The following ATP13A2 variants were observed in gnomAD, a reference collection of about 807,000 sequenced individuals.
ATP13A2 encodes ATPase cation transporting 13A2.
A neutral mutation model predicts 138.3 loss-of-function variants in ATP13A2; 83 were observed. The ratio of observed to expected loss-of-function variants is 0.60; its 90% CI spans 0.50 to 0.72. The LOEUF (loss-of-function observed/expected upper bound fraction) is 0.72. ATP13A2 is among the 30% of genes least tolerant of loss of function. ATP13A2 has a pLI of 0.00. For synonymous variants in ATP13A2, 663 were observed against 699.0 expected (o/e 0.95, Z 0.81); for missense variants, 1,402 against 1,606.4 (o/e 0.87, Z 2.17).
chr1:16,991,735 T>C lies in ATP13A2; in HGVS notation c.2250A>G (p.Thr750=). The C allele has an allele frequency of 6.2e-7, 1 of 1,614,114 alleles. No homozygotes were observed. Among genetic ancestry groups the C allele is most frequent in the Non-Finnish European group, 8.5e-7 (1 of 1,180,036 alleles). ...RRTRIRAVMV[T]GDNLQTAVTV... Reference sequence around the variant, plus strand: ...CCGGGCCCCTACATGCCATTGTACCTGTCACCATGACGGCGCGGATGCGGG... The same window carrying C: ...CCGGGCCCCTACATGCCATTGTACCCGTCACCATGACGGCGCGGATGCGGG... Residue 750 remains threonine, a splice_region_variant and synonymous_variant, in exon 20 of 29, where the codon ACA becomes ACG. Coordinates refer to ENST00000326735, the MANE Select transcript of ATP13A2 (RefSeq NM_022089.4).
chr1:17,004,838 G>T lies in ATP13A2; in HGVS notation c.348-17C>A. 3 of 1,613,746 alleles carry T rather than the reference G, an allele frequency of 1.9e-6. No individual in the cohort carries two copies. Among genetic ancestry groups the T allele is most frequent in the Non-Finnish European group, 2.5e-6 (3 of 1,180,026 alleles). On this transcript the variant is annotated splice_polypyrimidine_tract_variant and intron_variant, in intron 4 of 28. Coordinates refer to ENST00000326735, the MANE Select transcript of ATP13A2 (RefSeq NM_022089.4). The surrounding 1 kb of genome is among the most constrained non-coding windows in gnomAD (Gnocchi z 4.1). ...GGCTCCAGGCTGGGGAAGCAGGTGA[G>T]GGTTACTCTCGAGCTCTGGGAGCTG...
chr1:16,987,423 G>T lies in ATP13A2; in HGVS notation c.2860-154C>A, dbSNP rs2076776469. ...GCCGTACTCTCCTGCCAGCCCAGCG[G>T]AGGAGGTGCCGCTCTTGATGTGAGA... On this transcript the variant is annotated intron_variant, in intron 25 of 28. Coordinates refer to ENST00000326735, the MANE Select transcript of ATP13A2 (RefSeq NM_022089.4). 1.3e-5 allele frequency among the ~76,000 whole-genome samples: 2 copies of T among 152,218 alleles called. 1 individual carries two copies. Among genetic ancestry groups the T allele is most frequent in the South Asian group, 4.1e-4 (2 of 4,830 alleles).
Position 16,993,778 on chromosome 1 carries a change from G to T in ATP13A2, c.1600C>A (p.Gln534Lys). ...TCTGGGACCAGGGGCAGGAATGCCT[G>T]CCCCTTCAGGGGCACCACCCCCATC... The part of the protein sequence containing the change: ...DVMGVVPLKG[Q>K]AFLPLVPEPR... The change falls in exon 16 of 29, where the codon CAG becomes AAG. Residue 534 changes from glutamine to lysine, a missense_variant. By Grantham distance (53) the Gln-to-Lys change is moderately conservative (BLOSUM62 1). Transcript: ENST00000326735. 6.3e-7 allele frequency: 1 copy of T among 1,586,752 alleles called. No individual in the cohort carries two copies.
intron 6 of ATP13A2, 28 bp from the exon 7 acceptor site, chr1:17,002,401 T>A (rs776850900): frequency 1.2e-6 from 2 of 1,607,390 alleles, no homozygotes; most frequent in Non-Finnish European, 8.5e-7. Context: ...GGGACACGCA[T>A]GGGCCATGGG....
chr1:16,990,416 G>T, intron 20 of ATP13A2, 129 bp from the exon 21 acceptor site: 1 of 1,199,548 alleles, frequency 8.3e-7, no homozygotes, highest in Non-Finnish European at 1.2e-6. Context: ...AGCTGAGGCA[G>T]GTTACCAACA....
At position 16,992,319 on chromosome 1, in the gene ATP13A2, C is replaced by G; in HGVS notation, c.1929G>C (p.Trp643Cys). 6.2e-7 allele frequency: 1 copy of G among 1,612,492 alleles called. No homozygotes were observed. Among genetic ancestry groups the G allele is most frequent in the Non-Finnish European group, 8.5e-7 (1 of 1,179,744 alleles). ...AGGCCTCGGGCTGAGTGGCCCCTGG[C>G]CACGCCACCACCACACTCATGCGCT... The part of the protein sequence containing the change: ...ALQRMSVVVA[W>C]PGATQPEAYV... The change falls in exon 18 of 29, where the codon TGG becomes TGC. Residue 643 changes from tryptophan to cysteine, a missense_variant. By Grantham distance (215) the Trp-to-Cys change is radical. Coordinates refer to ENST00000326735, the MANE Select transcript of ATP13A2 (RefSeq NM_022089.4).
At position 16,996,259 on chromosome 1, in the gene ATP13A2, T is replaced by G. The variant is rs771121277; in HGVS notation, c.1348A>C (p.Asn450His). The change falls in exon 14 of 29, where the codon AAC becomes CAC. Residue 450 changes from asparagine to histidine, a missense_variant. Asn to His is a moderately conservative substitution (Grantham distance 68). Transcript: ENST00000326735. The part of the protein sequence containing the change: ...TIYSIFILYR[N>H]RVPLNEIVIR... ...ACCCCACCCCCAAGGCTTACCCGGTTTCGGTAGAGGATGAAGATGCTGTAG... is the reference window on the plus strand; with the variant it reads ...ACCCCACCCCCAAGGCTTACCCGGTGTCGGTAGAGGATGAAGATGCTGTAG... The G allele has an allele frequency of 6.2e-7, 1 of 1,614,134 alleles. No individual in the cohort carries two copies. The highest frequency in any genetic ancestry group is 8.5e-7 in the Non-Finnish European group (1 of 1,180,020).
rs112488628 is a variant in ATP13A2 at position 17,011,216 on chromosome 1, T to C, written c.10+513A>G. ...TGGGTGTGACGGGTTTTCTCTGGGG[T>C]CTGAGGCAGGAGGTCAGGAGTGGCG... On this transcript the variant is annotated intron_variant, in intron 1 of 28. Coordinates refer to ENST00000326735, the MANE Select transcript of ATP13A2 (RefSeq NM_022089.4). This position sits in a 1 kb window ranked among gnomAD's most constrained non-coding sequence, Gnocchi z 7.3. 1.5e-3 allele frequency among the ~76,000 whole-genome samples: 224 copies of C among 151,534 alleles called. 1 individual carries two copies. The highest frequency in any genetic ancestry group is 5.1e-3 in the African/African-American group (210 of 41,230).
chr1:16,999,701 A>G (rs2077275191), intron 11 of ATP13A2, among the ~76,000 whole-genome samples: 1 of 152,214 alleles, frequency 6.6e-6, no homozygotes, highest in Admixed American at 6.5e-5. Context: ...CAGGAGTTCA[A>G]GACCAGCCTG....
Position 16,996,097 on chromosome 1 carries a change from G to A in ATP13A2, c.1421C>T (p.Pro474Leu), listed in dbSNP as rs1275277924. The A allele has an allele frequency of 6.2e-7, 1 of 1,613,980 alleles. No homozygotes were observed. The highest frequency in any genetic ancestry group is 8.5e-7 in the Non-Finnish European group (1 of 1,180,060). The part of the protein sequence containing the change: ...LVTVVVPPAL[P>L]AAMTVCTLYA... The stretch of plus-strand genomic sequence containing the variant: ...GAGCGTGCACACAGTCATGGCAGCA[G>A]GCAGGGCAGGTGGCACCACCACGGT... Residue 474 changes from proline to leucine, a missense_variant, in exon 15 of 29, where the codon CCT becomes CTT. Physicochemically the swap from Pro to Leu is moderately conservative, Grantham distance 98. Transcript: ENST00000326735.
At position 17,005,548 on chromosome 1, in the gene ATP13A2, G is replaced by C; in HGVS notation, c.114C>G (p.Ser38Arg). Residue 38 changes from serine to arginine, a missense_variant, in exon 3 of 29, where the codon AGC becomes AGG. By Grantham distance (110) the Ser-to-Arg change is moderately radical. Coordinates refer to ENST00000326735, the MANE Select transcript of ATP13A2 (RefSeq NM_022089.4). Reference protein sequence around the residue: ...LSSSVSSVRLSGYCGSPWRVI... With the variant: ...LSSSVSSVRLRGYCGSPWRVI... ...CCCTCCATGGACTGCCACAGTAGCC[G>C]CTGAGCCTCTGCGAACGCAGCGAGA... 6.2e-7 allele frequency: 1 copy of C among 1,614,232 alleles called. No individual in the cohort carries two copies. Among genetic ancestry groups the C allele is most frequent in the Non-Finnish European group, 8.5e-7 (1 of 1,180,044 alleles).
chr1:17,000,447 G>A lies in ATP13A2; in HGVS notation c.793C>T (p.Leu265Phe), dbSNP rs745912767. 1.2e-5 allele frequency: 20 copies of A among 1,614,106 alleles called. No individual in the cohort carries two copies. In the East Asian group the frequency reaches 4.5e-4, roughly 36 times the overall value. ...HYYWYALCIF[L>F]ISSISICLSL... Reference sequence around the variant, plus strand: ...AGGCAGATGGAGATGGAGGAAATGAGGAAGATGCACAGGGCGTACCAGTAG... The same window carrying A: ...AGGCAGATGGAGATGGAGGAAATGAAGAAGATGCACAGGGCGTACCAGTAG... Residue 265 changes from leucine (L) to phenylalanine (F), a missense_variant, in exon 9 of 29, where the codon CTC becomes TTC. By Grantham distance (22) the Leu-to-Phe change is conservative. Transcript: ENST00000326735.
At chr1:16,996,229 C>T (rs2100887674) in intron 14 of ATP13A2, 25 bp downstream of exon 14, 2 of 1,614,098 alleles carry the variant, frequency 1.2e-6, no homozygotes, top group South Asian at 2.2e-5. Flanking sequence ...CTGGCAGCAC[C>T]CCCCACCCCA....
Position 17,011,765 on chromosome 1 carries a change from C to G in ATP13A2, c.-27G>C. 1.4e-6 allele frequency: 2 copies of G among 1,436,908 alleles called. No individual in the cohort carries two copies. The highest frequency in any genetic ancestry group is 1.5e-5 in the African/African-American group (1 of 67,356). The allele number at this position is 1,436,908 out of a possible 1,614,324, so 89.0% of individuals were successfully genotyped here. On this transcript the variant is annotated 5_prime_UTR_variant, in exon 1 of 29. Coordinates refer to ENST00000326735, the MANE Select transcript of ATP13A2 (RefSeq NM_022089.4). The surrounding 1 kb of genome is among the most constrained non-coding windows in gnomAD (Gnocchi z 7.3). ...CCGGCTCCTCGCGCTCATCGCCGGCCCCGGCGCTGCGGCCCTCGGCCTGGG... is the reference window on the plus strand; with the variant it reads ...CCGGCTCCTCGCGCTCATCGCCGGCGCCGGCGCTGCGGCCCTCGGCCTGGG...
intron 1 of ATP13A2, among the ~76,000 whole-genome samples, chr1:17,010,362 GCCA>G (rs369245451): frequency 8.7e-4 from 133 of 152,312 alleles, no homozygotes; most frequent in African/African-American, 3.1e-3. Flanking sequence ...ACAGGCGTGA[GCCA>G]CCACGCCTGG....
intron 16 of ATP13A2, 101 bp downstream of exon 16, chr1:16,993,528 A>T: frequency 8.5e-7 from 1 of 1,174,090 alleles, no homozygotes; most frequent in African/African-American, 1.5e-5. Context: ...AATGGTGGGC[A>T]TAATAAGAGA....
At position 16,996,087 on chromosome 1, in the gene ATP13A2, C is replaced by T; in HGVS notation, c.1431G>A (p.Met477Ile). ...TCTGGGCGTAGAGCGTGCACACAGTCATGGCAGCAGGCAGGGCAGGTGGCA... is the reference window on the plus strand; with the variant it reads ...TCTGGGCGTAGAGCGTGCACACAGTTATGGCAGCAGGCAGGGCAGGTGGCA... ...VVVPPALPAA[M>I]TVCTLYAQSR... The change falls in exon 15 of 29, where the codon ATG (methionine) becomes ATA (isoleucine). Residue 477 changes from methionine to isoleucine, a missense_variant. By Grantham distance (10) the Met-to-Ile change is conservative. Coordinates refer to ENST00000326735, the MANE Select transcript of ATP13A2 (RefSeq NM_022089.4). The T allele has an allele frequency of 4.3e-6, 7 of 1,614,136 alleles. No homozygotes were observed. The highest frequency in any genetic ancestry group is 5.9e-6 in the Non-Finnish European group (7 of 1,180,050).
At position 16,989,964 on chromosome 1, in the gene ATP13A2, G is replaced by T; in HGVS notation, c.2452C>A (p.Pro818Thr). 1.2e-6 allele frequency: 2 copies of T among 1,608,084 alleles called. No individual in the cohort carries two copies. The highest frequency in any genetic ancestry group is 2.2e-5 in the East Asian group (1 of 44,670). The change falls in exon 22 of 29, where the codon CCC (proline) becomes ACC (threonine). Residue 818 changes from proline (P) to threonine (T), a missense_variant. Physicochemically the swap from Pro to Thr is conservative, Grantham distance 38. Transcript: ENST00000326735. ...CTGAGGGCCAGGTGCCTGGATCGGG[G>T]GTCTGGCTCCACGGTGTAGCTTGCA... Reference protein sequence around the residue: ...QAASYTVEPDPRSRHLALSGP... With the variant: ...QAASYTVEPDTRSRHLALSGP...
Position 17,002,079 on chromosome 1 carries a change from C to T in ATP13A2, c.660G>A (p.Val220=), listed in dbSNP as rs1161963400. 6.2e-6 allele frequency: 10 copies of T among 1,613,810 alleles called. No individual in the cohort carries two copies. Among genetic ancestry groups the T allele is most frequent in the Non-Finnish European group, 6.8e-6 (8 of 1,179,886 alleles). Residue 220 remains valine, a synonymous_variant, in exon 8 of 29, where the codon GTG becomes GTA. Transcript: ENST00000326735. ...MVRKAIYGPN[V]ISIPVKSYPQ... is the part of the protein sequence containing the mutation. Reference sequence around the variant, plus strand: ...GGTAGGACTTGACCGGTATGCTGATCACGTTGGGGCCGTAAATGGCCTTCC... The same window carrying T: ...GGTAGGACTTGACCGGTATGCTGATTACGTTGGGGCCGTAAATGGCCTTCC...
Sources: allele counts gnomAD v4.1 joint callset (sites outside exome capture counted in the v4.1 genomes callset), GRCh38; gene constraint gnomAD v4.1.1; non-coding constraint Gnocchi (gnomAD v3.1); transcripts MANE v1.5; gene names NCBI Gene and HGNC (gene_info 2026-07-23, HGNC 2026-07-21).